The following GNA14 variants were observed in gnomAD, a reference collection of about 807,000 sequenced individuals.
GNA14 encodes guanine nucleotide-binding protein subunit alpha-14.
In GNA14, 50 loss-of-function variants were observed where a neutral mutation model predicts 42.0. That is an observed-to-expected ratio of 1.19 (90% CI 0.95 to 1.51). The LOEUF (loss-of-function observed/expected upper bound fraction) is 1.51. Ranked by LOEUF, GNA14 falls within the 40% of genes most tolerant of loss-of-function variation. The probability of loss-of-function intolerance (pLI) is 0.00; values close to 1 mark genes in which losing one functional copy is unlikely to be tolerated. For missense variants in GNA14, 473 were observed against 446.2 expected (o/e 1.06, Z -0.54); for synonymous variants, 173 against 163.1 (o/e 1.06, Z -0.46).
At chr9:77,499,208 TTAAC>T (rs79235272) in intron 2 of GNA14, among the ~76,000 whole-genome samples, 27,332 of 152,066 alleles carry the variant, frequency 0.18, 2,716 homozygotes, top group East Asian at 0.34. Flanking sequence ...CACTGTTTAT[TTAAC>T]TAACATTTGT....
At chr9:77,501,654 C>T (rs1258553028) in intron 2 of GNA14, among the ~76,000 whole-genome samples, 2 of 151,292 alleles carry the variant, frequency 1.3e-5, no homozygotes, top group Non-Finnish European at 2.9e-5. Context: ...CTTGTCTTTC[C>T]GTCCTTTTGA....
intron 1 of GNA14, among the ~76,000 whole-genome samples, chr9:77,591,457 T>G (rs1823390396): frequency 6.6e-6 from 1 of 152,196 alleles, no homozygotes; most frequent in African/African-American, 2.4e-5. Flanking sequence ...ATCCAGGCCT[T>G]AGAATCAAAT....
At chr9:77,628,699 A>T (rs1433735628) in intron 1 of GNA14, among the ~76,000 whole-genome samples, 3 of 152,164 alleles carry the variant, frequency 2.0e-5, no homozygotes, top group African/African-American at 4.8e-5. Context: ...AGAAAACTGA[A>T]ACTGGACCCC....
rs138554520 is a variant in GNA14 at position 77,623,544 on chromosome 9, T to C, written c.124+24126A>G. Among the ~76,000 whole-genome samples, 6 of 152,194 alleles carry C rather than the reference T, an allele frequency of 3.9e-5. No homozygotes were observed. In the East Asian group the frequency reaches 9.7e-4, roughly 25 times the overall value. On this transcript the variant is annotated intron_variant, in intron 1 of 6. Coordinates refer to ENST00000341700, the MANE Select transcript of GNA14 (RefSeq NM_004297.4). Reference sequence around the variant, plus strand: ...CAGTGAGATCAATGCAGAAGGCAGGTGATTTCTGCATTTCAAACTAAGGTA... The same window carrying C: ...CAGTGAGATCAATGCAGAAGGCAGGCGATTTCTGCATTTCAAACTAAGGTA...
At chr9:77,558,915 TAAAAAACAAAAAACAAAAA>T (rs1822833012) in intron 1 of GNA14, among the ~76,000 whole-genome samples, 3 of 121,958 alleles carry the variant, frequency 2.5e-5, no homozygotes, top group South Asian at 2.5e-4. Context: ...AAAAAGGTGT[TAAAAAACAAAAAACAAAAA>T]AAAAAACAAA....
At chr9:77,589,126 C>T (rs1296766825) in intron 1 of GNA14, among the ~76,000 whole-genome samples, 1 of 152,198 alleles carries the variant, frequency 6.6e-6, no homozygotes, top group Non-Finnish European at 1.5e-5. Flanking sequence ...TCTATTATAG[C>T]TCAGTAACTT....
At chr9:77,537,412 C>A (rs192853333) in intron 1 of GNA14, among the ~76,000 whole-genome samples, 2 of 152,124 alleles carry the variant, frequency 1.3e-5, no homozygotes, top group East Asian at 3.9e-4. Context: ...GACATGATTT[C>A]GTTCTTTTTC....
chr9:77,423,440 A>G lies in GNA14; in HGVS notation c.*539T>C, dbSNP rs1395752263. The G allele has an allele frequency of 6.6e-6, 1 of 152,194 alleles. No individual in the cohort carries two copies. Among genetic ancestry groups the G allele is most frequent in the Non-Finnish European group, 1.5e-5 (1 of 68,034 alleles). The allele number at this position is 152,194 out of a possible 1,614,324, so 9.4% of individuals were successfully genotyped here. On this transcript the variant is annotated 3_prime_UTR_variant, in exon 7 of 7. Coordinates refer to ENST00000341700, the MANE Select transcript of GNA14 (RefSeq NM_004297.4). ...GAAAGTTAACACACAAAAAGAACCAAGTGTTTAAAAAAAATCTTTGGTGGC... is the reference window on the plus strand; with the variant it reads ...GAAAGTTAACACACAAAAAGAACCAGGTGTTTAAAAAAAATCTTTGGTGGC...
chr9:77,535,044 AG>A (rs1837577174), intron 1 of GNA14, among the ~76,000 whole-genome samples: 1 of 152,210 alleles, frequency 6.6e-6, no homozygotes, highest in African/African-American at 2.4e-5. Flanking sequence ...GGGGGGATAA[AG>A]GACTTAAGAA....
rs987225098 is a variant in GNA14, at chr9:77,527,780, C to T, written c.309+1289G>A. ...TCCCTAGTAGGTGGTATTACAGGTG[C>T]CTGCCACCACACCCAGCTAATGTTT... On this transcript the variant is annotated intron_variant, in intron 2 of 6. Transcript: ENST00000341700. Among the ~76,000 whole-genome samples, 2 of 152,174 alleles carry T rather than the reference C, an allele frequency of 1.3e-5. 1 individual carries two copies. The highest frequency in any genetic ancestry group is 4.1e-4 in the South Asian group (2 of 4,826).
intron 1 of GNA14, among the ~76,000 whole-genome samples, chr9:77,564,118 C>T (rs543948915): frequency 1.3e-5 from 2 of 152,074 alleles, no homozygotes; most frequent in East Asian, 1.9e-4. Flanking sequence ...TCCACCGGAT[C>T]CTTATCAAAT....
intron 1 of GNA14, among the ~76,000 whole-genome samples, chr9:77,592,071 T>C (rs930475099): frequency 2.0e-5 from 3 of 152,044 alleles, no homozygotes; most frequent in Non-Finnish European, 2.9e-5. Flanking sequence ...CCCACCACCA[T>C]GCTCGGCTAA....
chr9:77,522,092 C>T (rs947902979), intron 2 of GNA14, among the ~76,000 whole-genome samples: 3 of 152,182 alleles, frequency 2.0e-5, no homozygotes, highest in Admixed American at 6.5e-5. Context: ...CTGCCTCGGC[C>T]CCCCAAAGTG....
intron 1 of GNA14, among the ~76,000 whole-genome samples, chr9:77,579,454 C>G (rs533266510): frequency 5.3e-5 from 8 of 152,218 alleles, no homozygotes; most frequent in African/African-American, 1.9e-4. Context: ...GTTTCATGAT[C>G]AGTCAATGAC....
intron 2 of GNA14, among the ~76,000 whole-genome samples, chr9:77,451,076 C>A (rs889588714): frequency 6.6e-6 from 1 of 152,096 alleles, no homozygotes; most frequent in Admixed American, 6.5e-5. Context: ...CAGACTAATA[C>A]GGCATCTGAG....
chr9:77,636,682 G>C (rs557158622), intron 1 of GNA14, among the ~76,000 whole-genome samples: 1 of 152,236 alleles, frequency 6.6e-6, no homozygotes, highest in South Asian at 2.1e-4. Context: ...AGGCTCTTCT[G>C]AACAACCAGC....
chr9:77,435,287 G>A (rs1445199065), intron 2 of GNA14, among the ~76,000 whole-genome samples: 1 of 152,040 alleles, frequency 6.6e-6, no homozygotes, highest in Non-Finnish European at 1.5e-5. Context: ...AACCCAGAAG[G>A]TGGAGGTTGC....
Position 77,542,126 on chromosome 9 carries a change from G to A in GNA14, c.125-12873C>T, listed in dbSNP as rs75538981. ...TTTTTCCTGTTTCCTGTGTTTTTAC[G>A]TTGATATCTGGTGTAACAGTCCAAG... On this transcript the variant is annotated intron_variant, in intron 1 of 6. Coordinates refer to ENST00000341700, the MANE Select transcript of GNA14 (RefSeq NM_004297.4). 2.5e-3 allele frequency among the ~76,000 whole-genome samples: 386 copies of A among 152,144 alleles called. 2 individuals carry two copies. Among genetic ancestry groups the A allele is most frequent in the Non-Finnish European group, 4.8e-3 (324 of 68,010 alleles).
intron 1 of GNA14, among the ~76,000 whole-genome samples, chr9:77,539,639 CT>C (rs1429396914): frequency 6.6e-6 from 1 of 151,952 alleles, no homozygotes; most frequent in Non-Finnish European, 1.5e-5. Flanking sequence ...TTTGGTCCTG[CT>C]TTTTCTTTGT....
Sources: gnomAD v4.1 joint callset for allele counts (sites outside exome capture counted in the v4.1 genomes callset) on GRCh38, gnomAD v4.1.1 for gene constraint, MANE v1.5 for transcripts, NCBI Gene and HGNC (gene_info 2026-07-23, HGNC 2026-07-21) for gene names.